PPP4R3B: variants seen among roughly 807,000 people sequenced by gnomAD.
The protein encoded by PPP4R3B is protein phosphatase 4 regulatory subunit 3B, also known as serine/threonine-protein phosphatase 4 regulatory subunit 3B.
Under a neutral mutation model 95.4 loss-of-function variants are expected in PPP4R3B, and 52 were observed. That is an observed-to-expected ratio of 0.54 (90% CI 0.44 to 0.69). The LOEUF (loss-of-function observed/expected upper bound fraction) is 0.69, where lower values mean the gene tolerates loss of function less well. PPP4R3B is among the 30% of genes least tolerant of loss of function. The probability of loss-of-function intolerance (pLI) is 0.00; values close to 1 mark genes in which losing one functional copy is unlikely to be tolerated. For synonymous variants in PPP4R3B, 407 were observed against 343.9 expected (o/e 1.18, Z -2.03); for missense variants, 1,003 against 1,005.9 (o/e 1.00, Z 0.04).
chr2:55,617,564 C>CTTTTTTAATGATA lies in PPP4R3B; in HGVS notation c.-280_-279insTATCATTAAAAAA. The CTTTTTTAATGATA allele has an allele frequency of 2.8e-6, 1 of 360,430 alleles. No homozygotes were observed. The highest frequency in any genetic ancestry group is 4.3e-5 in the Admixed American group (1 of 23,000). 22.3% of individuals were successfully genotyped at this position (360,430 alleles called of 1,614,324 possible). ...CCAGGGCTCGCTTGCTCTCCCGCCGCCGCGGTAACTACTACAGATCCGCCA... is the reference window on the plus strand; with the variant it reads ...CCAGGGCTCGCTTGCTCTCCCGCCGCTTTTTTAATGATACGCGGTAACTACTACAGATCCGCCA... On this transcript the variant is annotated 5_prime_UTR_variant, in exon 1 of 17. Coordinates refer to ENST00000616407, the MANE Select transcript of PPP4R3B (RefSeq NM_001122964.3).
intron 2 of PPP4R3B, among the ~76,000 whole-genome samples, chr2:55,608,312 CTTAACT>C (rs1693698389): frequency 6.6e-6 from 1 of 152,036 alleles, no homozygotes; most frequent in Non-Finnish European, 1.5e-5. Context: ...GCCCCTCATT[CTTAACT>C]TTAAATTCTT....
At chr2:55,560,378 G>A (rs541041648) in intron 15 of PPP4R3B, among the ~76,000 whole-genome samples, 2 of 152,242 alleles carry the variant, frequency 1.3e-5, no homozygotes, top group Admixed American at 1.3e-4. Context: ...CTTTAGCAAA[G>A]AGACTGGCGG....
In PPP4R3B at chr2:55,558,870, T is replaced by G; in HGVS notation, c.2359A>C (p.Asn787His). The G allele has an allele frequency of 6.2e-7, 1 of 1,614,102 alleles. No individual in the cohort carries two copies. Among genetic ancestry groups the G allele is most frequent in the Non-Finnish European group, 8.5e-7 (1 of 1,179,970 alleles). ...SHSASAANGT[N>H]SKSVVAQIPP... ...ATCTGAGCCACTACAGATTTACTGT[T>G]TGTTCCATTAGCAGCACTGGCAGAG... The change falls in exon 16 of 17, where the codon AAC becomes CAC. Residue 787 changes from asparagine (N) to histidine (H), a missense_variant. Asn to His is a moderately conservative substitution (Grantham distance 68). Coordinates refer to ENST00000616407, the MANE Select transcript of PPP4R3B (RefSeq NM_001122964.3).
At chr2:55,600,521 T>C (rs1692420105) in intron 3 of PPP4R3B, among the ~76,000 whole-genome samples, 1 of 151,206 alleles carries the variant, frequency 6.6e-6, no homozygotes, top group Non-Finnish European at 1.5e-5. Flanking sequence ...AAATTGTCCT[T>C]TCAAAGATCA....
chr2:55,606,697 C>T (rs1349080820), intron 2 of PPP4R3B, among the ~76,000 whole-genome samples: 1 of 151,798 alleles, frequency 6.6e-6, no homozygotes, highest in Non-Finnish European at 1.5e-5. Flanking sequence ...GTAGCAGCCA[C>T]CTGTAATCCC....
At chr2:55,602,304 T>C (rs1692730829) in intron 3 of PPP4R3B, among the ~76,000 whole-genome samples, 1 of 152,204 alleles carries the variant, frequency 6.6e-6, no homozygotes, top group South Asian at 2.1e-4. Context: ...AATATGATCA[T>C]TTTGGTGTAA....
At chr2:55,567,080 G>A (rs911894647) in intron 13 of PPP4R3B, among the ~76,000 whole-genome samples, 15 of 152,106 alleles carry the variant, frequency 9.9e-5, no homozygotes, top group Non-Finnish European at 1.5e-5. Context: ...GAATGATTTC[G>A]GTGTGTTTAA....
chr2:55,576,076 G>T (rs1294364977), intron 11 of PPP4R3B, among the ~76,000 whole-genome samples: 1 of 152,230 alleles, frequency 6.6e-6, no homozygotes, highest in East Asian at 1.9e-4. Flanking sequence ...GCCAGGTGCA[G>T]TGGCTCATGC....
rs191706988 is a variant in PPP4R3B at position 55,578,996 on chromosome 2, T to C, written c.1469-654A>G. On this transcript the variant is annotated intron_variant, in intron 9 of 16. Coordinates refer to ENST00000616407, the MANE Select transcript of PPP4R3B (RefSeq NM_001122964.3). ...GTAATATCTACAGTTAAGTTGAATATAGAAGGACTCAATTTAAAAATTGCC... is the reference window on the plus strand; with the variant it reads ...GTAATATCTACAGTTAAGTTGAATACAGAAGGACTCAATTTAAAAATTGCC... 1.2e-3 allele frequency among the ~76,000 whole-genome samples: 187 copies of C among 152,190 alleles called. 1 individual carries two copies. Among genetic ancestry groups the C allele is most frequent in the Middle Eastern group, 0.01 (3 of 294 alleles).
intron 4 of PPP4R3B, among the ~76,000 whole-genome samples, chr2:55,597,661 C>T (rs1027059674): frequency 2.4e-4 from 25 of 102,236 alleles, no homozygotes; most frequent in Admixed American, 1.2e-3. Flanking sequence ...ACTAGCTCGG[C>T]GTGGAGGCAC....
At chr2:55,565,325 T>C (rs1163806609) in intron 13 of PPP4R3B, among the ~76,000 whole-genome samples, 2 of 151,270 alleles carry the variant, frequency 1.3e-5, no homozygotes, top group African/African-American at 4.8e-5. Context: ...TATATATATA[T>C]ATATAGCAGT....
At chr2:55,559,616 C>G (rs745965237) in intron 15 of PPP4R3B, among the ~76,000 whole-genome samples, 14 of 152,230 alleles carry the variant, frequency 9.2e-5, no homozygotes, top group Middle Eastern at 3.4e-3. Context: ...GCACTTCCCC[C>G]CTTGCTCTCT....
At chr2:55,559,131 C>A (rs1686252019) in intron 15 of PPP4R3B, among the ~76,000 whole-genome samples, 163 bp from the exon 16 acceptor site, 2 of 152,008 alleles carry the variant, frequency 1.3e-5, no homozygotes, top group Admixed American at 1.3e-4. Flanking sequence ...GCAGATCACC[C>A]AAGGCCGGAG....
Position 55,617,244 on chromosome 2 carries a change from G to A in PPP4R3B, c.42C>T (p.Asn14=). 6.2e-7 allele frequency: 1 copy of A among 1,613,988 alleles called. No homozygotes were observed. The highest frequency in any genetic ancestry group is 8.5e-7 in the Non-Finnish European group (1 of 1,179,916). The change falls in exon 1 of 17, where the codon AAC becomes AAT. Residue 14 remains asparagine (N), a synonymous_variant. Transcript: ENST00000616407. ...CTCGGTCGTCCCATTGCCGGTCTTC[G>A]TTCAGGGTATAGACCTTCACTCGCC... ...TRRRVKVYTL[N]EDRQWDDRGT...
Position 55,596,302 on chromosome 2 carries a change from GAACT to G in PPP4R3B, c.921+2110_921+2113del, listed in dbSNP as rs146523040. ...CTGTTCTTGGAGTTATTTCTAAATA[GAACT>G]AACATCAGAATTGTTTGAATCATCA... On this transcript the variant is annotated intron_variant, in intron 4 of 16. Transcript: ENST00000616407. 1.7e-3 allele frequency among the ~76,000 whole-genome samples: 252 copies of G among 151,906 alleles called. 2 individuals carry two copies. In the Middle Eastern group the frequency reaches 0.024, roughly 14 times the overall value.
chr2:55,583,898 GA>G (rs2104277556), intron 7 of PPP4R3B, among the ~76,000 whole-genome samples: 1 of 152,248 alleles, frequency 6.6e-6, no homozygotes, highest in Admixed American at 6.5e-5. Context: ...TTAAAATTGA[GA>G]ATCAAAAACT....
chr2:55,603,774 G>A (rs1052368340), intron 3 of PPP4R3B, among the ~76,000 whole-genome samples: 6 of 152,058 alleles, frequency 3.9e-5, no homozygotes, highest in African/African-American at 1.4e-4. Context: ...ATCTAAAGTG[G>A]TAAAACAAAA....
In PPP4R3B at chr2:55,581,826, T is replaced by C; in HGVS notation, c.1234-128A>G. ...AAAAAACGAAGAATGGAATAGCTTATTTAAACCTCTATTCCTAATGCTTTT... is the reference window on the plus strand; with the variant it reads ...AAAAAACGAAGAATGGAATAGCTTACTTAAACCTCTATTCCTAATGCTTTT... On this transcript the variant is annotated intron_variant, in intron 7 of 16. Transcript: ENST00000616407. 19 of 964,782 alleles carry C rather than the reference T, an allele frequency of 2.0e-5. 1 individual carries two copies. In the South Asian group the frequency reaches 3.7e-4, roughly 19 times the overall value. 59.8% of individuals were successfully genotyped at this position (964,782 alleles called of 1,614,324 possible). A position where few individuals can be genotyped will look rare whatever the true frequency, so the allele number is the denominator to read the frequency against.
At chr2:55,580,980 T>G (rs1447221723) in intron 8 of PPP4R3B, among the ~76,000 whole-genome samples, 1 of 152,172 alleles carries the variant, frequency 6.6e-6, no homozygotes, top group Non-Finnish European at 1.5e-5. Flanking sequence ...TGGCCGGGCA[T>G]GGTGACTCAC....
Sources: gnomAD v4.1 joint callset for allele counts (sites outside exome capture counted in the v4.1 genomes callset) on GRCh38, gnomAD v4.1.1 for gene constraint, MANE v1.5 for transcripts, NCBI Gene and HGNC (gene_info 2026-07-23, HGNC 2026-07-21) for gene names.